The following SNTG1 variants were observed in gnomAD, a reference collection of about 807,000 sequenced individuals.
SNTG1 encodes gamma-1-syntrophin.
Under a neutral mutation model 74.7 loss-of-function variants are expected in SNTG1, and 39 were observed. The observed-to-expected ratio is 0.52, with a 90% CI of 0.40 to 0.68. The LOEUF (loss-of-function observed/expected upper bound fraction) is 0.68, where lower values mean the gene tolerates loss of function less well. Among genes scored for constraint, SNTG1 ranks in the 30% least tolerant of loss-of-function variants. The pLI is 0.00. For synonymous variants in SNTG1, 254 were observed against 217.1 expected (o/e 1.17, Z -1.49); for missense variants, 685 against 609.5 (o/e 1.12, Z -1.30).
intron 1 of SNTG1, among the ~76,000 whole-genome samples, chr8:49,949,054 T>C (rs965143843): frequency 1.3e-5 from 2 of 152,216 alleles, no homozygotes; most frequent in Admixed American, 6.5e-5. Flanking sequence ...TCAGGTTAAG[T>C]AGGAAAGTTC....
At chr8:49,924,533 A>G (rs1186714466) in intron 1 of SNTG1, among the ~76,000 whole-genome samples, 1 of 152,192 alleles carries the variant, frequency 6.6e-6, no homozygotes, top group African/African-American at 2.4e-5. Flanking sequence ...CTAACATAGC[A>G]TTGTGATATC....
chr8:50,536,896 A>C, intron 11 of SNTG1, 88 bp downstream of exon 11: 1 of 1,443,510 alleles, frequency 6.9e-7, no homozygotes, highest in Middle Eastern at 1.9e-4. Flanking sequence ...AATACGCCTT[A>C]TGATTTTAGT....
chr8:50,444,913 A>G (rs1468864655), intron 5 of SNTG1, among the ~76,000 whole-genome samples: 1 of 152,164 alleles, frequency 6.6e-6, no homozygotes, highest in Non-Finnish European at 1.5e-5. Context: ...TAATTCCAAT[A>G]CCATACAATT....
At chr8:50,650,405 T>G (rs7006744) in intron 13 of SNTG1, among the ~76,000 whole-genome samples, 32,623 of 151,984 alleles carry the variant, frequency 0.21, 3,923 homozygotes, top group African/African-American at 0.31. Flanking sequence ...GCTGTTCCTT[T>G]AGATTCATTC....
chr8:50,773,692 C>CA (rs2095633000), intron 18 of SNTG1, among the ~76,000 whole-genome samples: 1 of 151,974 alleles, frequency 6.6e-6, no homozygotes, highest in African/African-American at 2.4e-5. Flanking sequence ...CAGTTTTAAA[C>CA]AAAAATTATG....
intron 2 of SNTG1, among the ~76,000 whole-genome samples, chr8:50,385,225 A>C (rs190135762): frequency 1.3e-5 from 2 of 152,174 alleles, no homozygotes; most frequent in African/African-American, 4.8e-5. Context: ...TCTGGACCCC[A>C]CTTGAAATCA....
Position 50,185,610 on chromosome 8 carries a change from A to C in SNTG1, c.-28+12975A>C, listed in dbSNP as rs189467746. On this transcript the variant is annotated intron_variant, in intron 2 of 18. Transcript: ENST00000642720. Reference sequence around the variant, plus strand: ...ATAAATGTATATGTGAAAACTGCTTAAGGTCATATTTATCAGACAATATAA... The same window carrying C: ...ATAAATGTATATGTGAAAACTGCTTCAGGTCATATTTATCAGACAATATAA... 1.3e-3 allele frequency among the ~76,000 whole-genome samples: 204 copies of C among 152,332 alleles called. 1 individual carries two copies. Among genetic ancestry groups the C allele is most frequent in the South Asian group, 4.8e-3 (23 of 4,824 alleles).
Position 50,513,482 on chromosome 8 carries a change from G to A in SNTG1, c.466+10602G>A, listed in dbSNP as rs1303806692. Among the ~76,000 whole-genome samples the A allele has an allele frequency of 2.0e-5, 3 of 152,352 alleles. No homozygotes were observed. In the East Asian group the frequency reaches 5.8e-4, roughly 30 times the overall value. Reference sequence around the variant, plus strand: ...ATTTAAGTCTGCAGAGGATTCTGCTGCCTTTTGTTTGGCTATGCCCTGCCC... The same window carrying A: ...ATTTAAGTCTGCAGAGGATTCTGCTACCTTTTGTTTGGCTATGCCCTGCCC... On this transcript the variant is annotated intron_variant, in intron 9 of 18. Coordinates refer to ENST00000642720, the MANE Select transcript of SNTG1 (RefSeq NM_018967.5).
At chr8:50,688,808 C>A (rs2095364426) in intron 15 of SNTG1, among the ~76,000 whole-genome samples, 2 of 151,734 alleles carry the variant, frequency 1.3e-5, no homozygotes, top group Admixed American at 6.6e-5. Context: ...TCATTGGTAG[C>A]TTGATGGGGA....
intron 2 of SNTG1, among the ~76,000 whole-genome samples, chr8:50,211,564 G>A (rs1398828753): frequency 6.6e-6 from 1 of 152,008 alleles, no homozygotes; most frequent in Non-Finnish European, 1.5e-5. Context: ...ATCAGTATAA[G>A]AATTCTAAGC....
At chr8:50,170,563 T>C (rs2082770234) in intron 1 of SNTG1, among the ~76,000 whole-genome samples, 1 of 152,332 alleles carries the variant, frequency 6.6e-6, no homozygotes, top group South Asian at 2.1e-4. Context: ...GTATTGGTTA[T>C]CTATTGCTGC....
At chr8:50,734,921 CCATATACATATATAGATATATATGGA>C (rs1189710723) in intron 17 of SNTG1, among the ~76,000 whole-genome samples, 7 of 130,796 alleles carry the variant, frequency 5.4e-5, no homozygotes, top group Non-Finnish European at 1.1e-4. Context: ...ATATATATGT[CCATATACATATATAGATATATATGGA>C]CATATATATC....
chr8:50,083,436 G>A (rs1324235150), intron 1 of SNTG1, among the ~76,000 whole-genome samples: 1 of 152,018 alleles, frequency 6.6e-6, no homozygotes, highest in African/African-American at 2.4e-5. Context: ...ATCTTGTGAT[G>A]GATACATTTA....
At chr8:50,445,220 C>T (rs1255815345) in intron 5 of SNTG1, among the ~76,000 whole-genome samples, 3 of 152,134 alleles carry the variant, frequency 2.0e-5, no homozygotes, top group Non-Finnish European at 4.4e-5. Flanking sequence ...GGCACATGCC[C>T]GTATTCCTCC....
At chr8:50,503,158 G>T (rs1044075727) in intron 9 of SNTG1, among the ~76,000 whole-genome samples, 22 of 152,058 alleles carry the variant, frequency 1.4e-4, no homozygotes, top group African/African-American at 5.1e-4. Context: ...TATGCATTAT[G>T]CATGTCTATT....
chr8:50,760,668 A>G (rs1001302737), intron 18 of SNTG1, among the ~76,000 whole-genome samples: 7 of 151,924 alleles, frequency 4.6e-5, no homozygotes, highest in African/African-American at 1.7e-4. Context: ...TCAAATAGAC[A>G]CAAAAAAAAT....
At chr8:49,910,251 C>T (rs1456740438), upstream of SNTG1, among the ~76,000 whole-genome samples, 2 of 152,190 alleles carry the variant, frequency 1.3e-5, no homozygotes, top group African/African-American at 2.4e-5. Flanking sequence ...CGGCCCCTTC[C>T]CACAGCCCGG....
intron 17 of SNTG1, among the ~76,000 whole-genome samples, chr8:50,741,560 A>C (rs1388589203): frequency 3.3e-5 from 5 of 152,116 alleles, no homozygotes; most frequent in African/African-American, 1.2e-4. Flanking sequence ...CTATGTCCTC[A>C]CAAAAGTCTG....
At chr8:50,525,348 C>G (rs2094211550) in intron 9 of SNTG1, among the ~76,000 whole-genome samples, 1 of 152,106 alleles carries the variant, frequency 6.6e-6, no homozygotes, top group African/African-American at 2.4e-5. Context: ...TAATGAGTTT[C>G]AGTGTGAGCC....
Sources: allele counts gnomAD v4.1 joint callset (sites outside exome capture counted in the v4.1 genomes callset), GRCh38; gene constraint gnomAD v4.1.1; transcripts MANE v1.5; gene names NCBI Gene and HGNC (gene_info 2026-07-23, HGNC 2026-07-21).